SLC25A43: variants seen among roughly 807,000 people sequenced by gnomAD.
SLC25A43 encodes the protein solute carrier family 25 member 43.
Under a neutral mutation model 22.8 loss-of-function variants are expected in SLC25A43, and 10 were observed. The observed-to-expected ratio is 0.44, with a 90% confidence interval of 0.27 to 0.74. SLC25A43 has a LOEUF of 0.74. SLC25A43 is among the 30% of genes least tolerant of loss of function. The probability of loss-of-function intolerance (pLI) is 0.17; values close to 1 mark genes in which losing one functional copy is unlikely to be tolerated. For synonymous variants in SLC25A43, 106 were observed against 121.6 expected, an observed-to-expected ratio of 0.87 and a Z score of 0.84; for missense variants, 233 against 279.1, an observed-to-expected ratio of 0.83 and a Z score of 1.18.
intron 3 of SLC25A43, among the ~76,000 whole-genome samples, chrX:119,434,105 G>A (rs2052577400): frequency 1.8e-5 from 2 of 110,775 alleles, no homozygotes; most frequent in African/African-American, 3.3e-5. Context: ...AAACAAATTT[G>A]GGACATGTTT....
Position 119,410,303 on chromosome X carries a change from G to A in SLC25A43, c.631G>A (p.Ala211Thr). Residue 211 changes from alanine (A) to threonine (T), a missense_variant, in exon 3 of 5, where the codon GCT becomes ACT. Coordinates refer to ENST00000217909, the MANE Select transcript of SLC25A43 (RefSeq NM_145305.3). ...ACAGAACTTTGCTAATGTCTGTCTGGCTGCTGCAGTGACCCAGACCCTCTC... is the reference window on the plus strand; with the variant it reads ...ACAGAACTTTGCTAATGTCTGTCTGACTGCTGCAGTGACCCAGACCCTCTC... ...LPQNFANVCL[A>T]AAVTQTLSFP... The A allele has an allele frequency of 8.3e-7, 1 of 1,211,168 alleles. No individual in the cohort carries two copies. The highest frequency in any genetic ancestry group is 1.1e-6 in the Non-Finnish European group (1 of 895,284).
chrX:119,401,928 C>T (rs1347754221), intron 1 of SLC25A43, among the ~76,000 whole-genome samples: 1 of 110,835 alleles, frequency 9.0e-6, no homozygotes, highest in Non-Finnish European at 1.9e-5. Flanking sequence ...TCTGGGAGAA[C>T]GAGAACAGAG....
chrX:119,422,346 A>G (rs1412135869), intron 3 of SLC25A43, among the ~76,000 whole-genome samples: 1 of 111,038 alleles, frequency 9.0e-6, no homozygotes, highest in African/African-American at 3.3e-5. Context: ...TTCCCTCACT[A>G]TCAAAGCCGC....
chrX:119,445,574 G>C, intron 3 of SLC25A43, among the ~76,000 whole-genome samples: 1 of 111,759 alleles, frequency 8.9e-6, no homozygotes, highest in East Asian at 2.8e-4. Flanking sequence ...AGGTCGCAGA[G>C]TCACCAGGAG....
intron 3 of SLC25A43, among the ~76,000 whole-genome samples, chrX:119,429,401 G>C (rs772027768): frequency 8.9e-6 from 1 of 112,211 alleles, no homozygotes; most frequent in South Asian, 3.7e-4. Context: ...CTCATGGAAA[G>C]ACTGAACAAC....
intron 3 of SLC25A43, among the ~76,000 whole-genome samples, chrX:119,422,274 C>T (rs368847409): frequency 9.0e-6 from 1 of 111,540 alleles, no homozygotes; most frequent in African/African-American, 3.3e-5. Context: ...CAGCCAGTTT[C>T]TTTTCCATGG....
rs2052695946 is a variant in SLC25A43 at position 119,450,215 on chromosome X, T to C, written c.691-1794T>C. Among the ~76,000 whole-genome samples the C allele has an allele frequency of 3.6e-5, 4 of 110,996 alleles. No individual in the cohort carries two copies. In the East Asian group the frequency reaches 1.1e-3, roughly 31 times the overall value. On this transcript the variant is annotated intron_variant, in intron 3 of 4. Coordinates refer to ENST00000217909, the MANE Select transcript of SLC25A43 (RefSeq NM_145305.3). ...GGTAGAATTTCCTAGAAAAGGTATA[T>C]AAATTGAGGAGGACCAAAAGAGTTC...
chrX:119,449,280 G>T (rs868204869), intron 3 of SLC25A43, among the ~76,000 whole-genome samples: 1 of 108,591 alleles, frequency 9.2e-6, no homozygotes, highest in Non-Finnish European at 1.9e-5. Context: ...CAGGTGCGAT[G>T]GCATGCACCT....
intron 1 of SLC25A43, among the ~76,000 whole-genome samples, chrX:119,405,431 G>A (rs1219928446): frequency 2.7e-5 from 3 of 109,374 alleles, no homozygotes; most frequent in Non-Finnish European, 5.7e-5. Flanking sequence ...CCTCACTGGA[G>A]GTTTGAAGGC....
intron 3 of SLC25A43, among the ~76,000 whole-genome samples, chrX:119,415,216 C>G (rs967639060): frequency 9.1e-6 from 1 of 109,889 alleles, no homozygotes; most frequent in African/African-American, 3.3e-5. Context: ...AGCCGCCGTG[C>G]CTGGCCATCA....
At chrX:119,431,616 A>C (rs1288034884) in intron 3 of SLC25A43, among the ~76,000 whole-genome samples, 1 of 112,427 alleles carries the variant, frequency 8.9e-6, no homozygotes, top group Non-Finnish European at 1.9e-5. Context: ...ATGACTATCC[A>C]CGTAGCTTAT....
rs1431495182 is a variant in SLC25A43, at chrX:119,452,154, C to A, written c.825+11C>A. Reference sequence around the variant, plus strand: ...GCCAATTTACTGAAGGTGAGAAGAGCCACCAGCCTCCGCTGCTCCCCTGCC... The same window carrying A: ...GCCAATTTACTGAAGGTGAGAAGAGACACCAGCCTCCGCTGCTCCCCTGCC... On this transcript the variant is annotated intron_variant, in intron 4 of 4. Coordinates refer to ENST00000217909, the MANE Select transcript of SLC25A43 (RefSeq NM_145305.3). The A allele has an allele frequency of 8.5e-7, 1 of 1,182,909 alleles. No individual in the cohort carries two copies.
intron 3 of SLC25A43, among the ~76,000 whole-genome samples, chrX:119,444,850 C>T (rs1307039502): frequency 9.2e-6 from 1 of 109,047 alleles, no homozygotes; most frequent in Non-Finnish European, 1.9e-5. Flanking sequence ...GCCTGGCCAA[C>T]ATGGCAAAAC....
intron 4 of SLC25A43, among the ~76,000 whole-genome samples, chrX:119,452,528 C>G (rs772197837): frequency 3.4e-4 from 37 of 109,846 alleles, no homozygotes; most frequent in African/African-American, 1.2e-3. Flanking sequence ...AAACATTAAG[C>G]ACTCTGGACT....
intron 3 of SLC25A43, among the ~76,000 whole-genome samples, chrX:119,429,700 CA>C (rs1195593306): frequency 1.8e-5 from 2 of 111,836 alleles, no homozygotes; most frequent in African/African-American, 6.5e-5. Context: ...TGAGTCATTA[CA>C]AACTGTGTTA....
chrX:119,435,168 AAT>A (rs1412831765), intron 3 of SLC25A43, among the ~76,000 whole-genome samples: 1 of 111,132 alleles, frequency 9.0e-6, no homozygotes, highest in African/African-American at 3.3e-5. Flanking sequence ...AAAAGAAAAA[AAT>A]CGGTGGGCAG....
chrX:119,449,116 G>A (rs2052686789), intron 3 of SLC25A43, among the ~76,000 whole-genome samples: 1 of 110,575 alleles, frequency 9.0e-6, no homozygotes, highest in Non-Finnish European at 1.9e-5. Context: ...CGTTCTGGCT[G>A]TAGTATAAAG....
chrX:119,447,903 G>A lies in SLC25A43; in HGVS notation c.691-4106G>A, dbSNP rs1175756410. 5.4e-5 allele frequency among the ~76,000 whole-genome samples: 6 copies of A among 110,390 alleles called. No individual in the cohort carries two copies. In the East Asian group the frequency reaches 1.1e-3, roughly 21 times the overall value. On this transcript the variant is annotated intron_variant, in intron 3 of 4. Coordinates refer to ENST00000217909, the MANE Select transcript of SLC25A43 (RefSeq NM_145305.3). ...CTGATCACTCCCTAATTATGTCTCCGGCCCTGACCTCTCCCCTGAACTCCA... is the reference window on the plus strand; with the variant it reads ...CTGATCACTCCCTAATTATGTCTCCAGCCCTGACCTCTCCCCTGAACTCCA...
At chrX:119,424,212 CAAAAAAA>C (rs201882702) in intron 3 of SLC25A43, among the ~76,000 whole-genome samples, 4 of 59,268 alleles carry the variant, frequency 6.7e-5, no homozygotes, top group African/African-American at 2.3e-4. Context: ...GACTCCGTCT[CAAAAAAA>C]AAAAAAAAGA....
Sources: allele counts gnomAD v4.1 joint callset (sites outside exome capture counted in the v4.1 genomes callset), GRCh38; gene constraint gnomAD v4.1.1; transcripts MANE v1.5; gene names NCBI Gene and HGNC (gene_info 2026-07-23, HGNC 2026-07-21).